Variants in ENTPD1 observed in about 807,000 individuals in gnomAD.
ENTPD1 encodes the protein ectonucleoside triphosphate diphosphohydrolase 1, also known as ATP diphosphohydrolase.
A neutral mutation model predicts 57.0 loss-of-function variants in ENTPD1; 33 were observed. The ratio of observed to expected loss-of-function variants is 0.58; its 90% CI spans 0.44 to 0.77. The LOEUF (loss-of-function observed/expected upper bound fraction) is 0.77, where lower values mean the gene tolerates loss of function less well. ENTPD1 is among the 30% of genes least tolerant of loss of function. The pLI is 0.00. For missense variants in ENTPD1, 501 were observed against 603.4 expected, an observed-to-expected ratio of 0.83 and a Z score of 1.78; for synonymous variants, 202 against 218.8, an observed-to-expected ratio of 0.92 and a Z score of 0.68.
At chr10:95,711,497 T>C (rs2139804988), upstream of ENTPD1, among the ~76,000 whole-genome samples, 1 of 152,324 alleles carries the variant, frequency 6.6e-6, no homozygotes, top group South Asian at 2.1e-4. Flanking sequence ...TTTTATTTAT[T>C]TTATTTATTT....
chr10:95,747,499 A>G (rs531982536), intron 1 of ENTPD1, among the ~76,000 whole-genome samples: 1 of 152,328 alleles, frequency 6.6e-6, no homozygotes, highest in East Asian at 1.9e-4. Context: ...CAGAATGCTC[A>G]TCTTCCACCC....
intron 1 of ENTPD1, among the ~76,000 whole-genome samples, chr10:95,817,879 T>C (rs1199163393): frequency 6.6e-6 from 1 of 152,234 alleles, no homozygotes; most frequent in Non-Finnish European, 1.5e-5. Context: ...GTTATTGCTG[T>C]AGCTCAGAGC....
intron 1 of ENTPD1, among the ~76,000 whole-genome samples, chr10:95,801,707 A>T (rs1187649989): frequency 6.6e-6 from 1 of 152,040 alleles, no homozygotes. Flanking sequence ...TTTGTACCAG[A>T]ACCAAGCTGT....
the ENTPD1 span, among the ~76,000 whole-genome samples, chr10:95,694,967 C>T: frequency 7.5e-6 from 1 of 133,942 alleles, no homozygotes; most frequent in African/African-American, 2.8e-5. Flanking sequence ...GTGGTGTGAT[C>T]TCAGCTCACT....
At chr10:95,781,309 A>T (rs2098156823) in intron 1 of ENTPD1, among the ~76,000 whole-genome samples, 1 of 152,168 alleles carries the variant, frequency 6.6e-6, no homozygotes. Context: ...AGTACAAAAA[A>T]TAGTTAGAAA....
At chr10:95,843,695 G>A (rs898952375) in intron 4 of ENTPD1, among the ~76,000 whole-genome samples, 4 of 152,192 alleles carry the variant, frequency 2.6e-5, no homozygotes, top group Admixed American at 2.6e-4. Context: ...TACACAACTG[G>A]TGACACTGGT....
upstream of ENTPD1, among the ~76,000 whole-genome samples, chr10:95,750,957 AG>A (rs112637731): frequency 0.16 from 24,175 of 152,014 alleles, 2,471 homozygotes; most frequent in African/African-American, 0.28. Context: ...TGGGAGGCGG[AG>A]GTTGCAGCGA....
At chr10:95,829,361 T>C (rs1280113804) in intron 2 of ENTPD1, among the ~76,000 whole-genome samples, 1 of 152,210 alleles carries the variant, frequency 6.6e-6, no homozygotes, top group Non-Finnish European at 1.5e-5. Context: ...CATTATCTGT[T>C]GGTCAAGGGT....
intron 1 of ENTPD1, among the ~76,000 whole-genome samples, chr10:95,726,107 G>A (rs2097983373): frequency 6.6e-6 from 1 of 152,164 alleles, no homozygotes; most frequent in Non-Finnish European, 1.5e-5. Context: ...AAGTTTTGGA[G>A]ACTTTTCATG....
intron 1 of ENTPD1, among the ~76,000 whole-genome samples, chr10:95,714,689 A>T (rs1021909451): frequency 1.3e-5 from 2 of 152,216 alleles, no homozygotes; most frequent in African/African-American, 4.8e-5. Flanking sequence ...AAATGCTATC[A>T]TTTATTTATT....
intron 1 of ENTPD1, among the ~76,000 whole-genome samples, chr10:95,719,621 C>T (rs918351170): frequency 1.3e-5 from 2 of 152,288 alleles, no homozygotes; most frequent in East Asian, 1.9e-4. Context: ...GGTTTGGAAA[C>T]CTTGTAGCCA....
At chr10:95,728,464 A>G (rs2097985956) in intron 1 of ENTPD1, among the ~76,000 whole-genome samples, 1 of 152,164 alleles carries the variant, frequency 6.6e-6, no homozygotes, top group South Asian at 2.1e-4. Flanking sequence ...GCAAACCTCA[A>G]TTTATGGTAC....
chr10:95,815,197 A>G (rs2098325900), intron 1 of ENTPD1, among the ~76,000 whole-genome samples: 1 of 152,214 alleles, frequency 6.6e-6, no homozygotes, highest in East Asian at 1.9e-4. Context: ...GTGCTTTTGC[A>G]TTGGGTCAGC....
At chr10:95,780,272 A>T (rs1329803992) in intron 1 of ENTPD1, among the ~76,000 whole-genome samples, 1 of 152,150 alleles carries the variant, frequency 6.6e-6, no homozygotes, top group Non-Finnish European at 1.5e-5. Flanking sequence ...AGTGTCCGTC[A>T]AACATTAATT....
intron 1 of ENTPD1, among the ~76,000 whole-genome samples, chr10:95,728,274 A>C (rs1285433796): frequency 6.6e-6 from 1 of 150,950 alleles, no homozygotes; most frequent in African/African-American, 2.4e-5. Context: ...TTTGTATGTC[A>C]TATGTATTAT....
intron 1 of ENTPD1, 100 bp from the exon 2 acceptor site, chr10:95,823,137 G>A: frequency 7.0e-7 from 1 of 1,426,546 alleles, no homozygotes; most frequent in Non-Finnish European, 9.8e-7. Context: ...ATCTGTCTCT[G>A]ATGTCTCCAG....
chr10:95,856,239 A>G (rs2098454475), intron 7 of ENTPD1, among the ~76,000 whole-genome samples: 1 of 152,190 alleles, frequency 6.6e-6, no homozygotes, highest in Non-Finnish European at 1.5e-5. Context: ...AACATGAAAA[A>G]ATGCTCAACA....
chr10:95,727,142 T>C (rs1377855987), intron 1 of ENTPD1, among the ~76,000 whole-genome samples: 1 of 152,152 alleles, frequency 6.6e-6, no homozygotes, highest in Non-Finnish European at 1.5e-5. Flanking sequence ...AACATGGAGC[T>C]CTAACATTTG....
intron 7 of ENTPD1, among the ~76,000 whole-genome samples, chr10:95,856,073 C>G (rs2098454108): frequency 6.6e-6 from 1 of 152,200 alleles, no homozygotes; most frequent in East Asian, 1.9e-4. Context: ...TTCAGGTACA[C>G]CAATCAGACG....
Sources: gnomAD v4.1 joint callset for allele counts (sites outside exome capture counted in the v4.1 genomes callset) on GRCh38, gnomAD v4.1.1 for gene constraint, MANE v1.5 for transcripts, NCBI Gene and HGNC (gene_info 2026-07-23, HGNC 2026-07-21) for gene names.